JARID2: variants seen among roughly 807,000 people sequenced by gnomAD.
JARID2 encodes protein Jumonji.
JARID2 carries 21 observed loss-of-function variants against 125.6 expected under a neutral mutation model. That is an observed-to-expected ratio of 0.17 (90% confidence interval 0.12 to 0.24). JARID2 has a LOEUF of 0.24. Ranked by LOEUF, JARID2 falls within the 10% of genes least tolerant of loss-of-function variation. The probability of loss-of-function intolerance (pLI) is 1.00; values close to 1 mark genes in which losing one functional copy is unlikely to be tolerated. For missense variants in JARID2, 1,303 were observed against 1,639.6 expected, an observed-to-expected ratio of 0.79 and a Z score of 3.55; for synonymous variants, 736 against 661.6, an observed-to-expected ratio of 1.11 and a Z score of -1.73.
Position 15,520,500 on chromosome 6 carries a change from C to A in JARID2, c.*249C>A. ...CACTGTTTTAAAAACCCCGGAGGGGCTGTATTAATTTGTATTGCCCCATGG... is the reference window on the plus strand; with the variant it reads ...CACTGTTTTAAAAACCCCGGAGGGGATGTATTAATTTGTATTGCCCCATGG... On this transcript the variant is annotated 3_prime_UTR_variant, in exon 18 of 18. Transcript: ENST00000341776. 2.5e-6 allele frequency: 1 copy of A among 398,042 alleles called. No homozygotes were observed. Among genetic ancestry groups the A allele is most frequent in the Non-Finnish European group, 4.5e-6 (1 of 221,894 alleles). 24.7% of individuals were successfully genotyped at this position (398,042 alleles called of 1,614,324 possible).
At chr6:15,380,928 C>CTTCG (rs1273725578) in intron 2 of JARID2, among the ~76,000 whole-genome samples, 1 of 112,162 alleles carries the variant, frequency 8.9e-6, no homozygotes, top group Admixed American at 8.3e-5. Context: ...ATAAAGTGAC[C>CTTCG]TTCCTCTACG....
intron 1 of JARID2, among the ~76,000 whole-genome samples, chr6:15,246,898 C>A (rs1337842112): frequency 6.6e-6 from 1 of 152,184 alleles, no homozygotes; most frequent in Non-Finnish European, 1.5e-5. Context: ...TGTAACTAAA[C>A]TGCATTCTCA....
chr6:15,509,817 G>T (rs1042873400), intron 12 of JARID2, among the ~76,000 whole-genome samples: 7 of 152,226 alleles, frequency 4.6e-5, no homozygotes, highest in African/African-American at 1.7e-4. Flanking sequence ...GTGATACCCT[G>T]TGTGGGCTTT....
chr6:15,445,078 C>T (rs1331178830), intron 3 of JARID2, among the ~76,000 whole-genome samples: 1 of 151,968 alleles, frequency 6.6e-6, no homozygotes, highest in African/African-American at 2.4e-5. Context: ...TCAGGGCTAC[C>T]CTAGAGATTG....
At chr6:15,453,510 T>C (rs1768013485) in intron 4 of JARID2, among the ~76,000 whole-genome samples, 1 of 152,242 alleles carries the variant, frequency 6.6e-6, no homozygotes, top group South Asian at 2.1e-4. Flanking sequence ...GTGTTCATGC[T>C]GATCATTCGA....
chr6:15,256,248 G>A (rs1759661180), intron 1 of JARID2, among the ~76,000 whole-genome samples: 1 of 152,124 alleles, frequency 6.6e-6, no homozygotes, highest in African/African-American at 2.4e-5. Flanking sequence ...TCTTAATAAA[G>A]CAAGCTGATA....
At chr6:15,474,460 CTTTTT>C (rs59060966) in intron 5 of JARID2, among the ~76,000 whole-genome samples, 37 of 143,770 alleles carry the variant, frequency 2.6e-4, no homozygotes, top group Non-Finnish European at 3.2e-4. Flanking sequence ...AGTTGCATGC[CTTTTT>C]TTTTTTTTTT....
intron 12 of JARID2, chr6:15,508,880 A>G: frequency 1.9e-6 from 2 of 1,038,432 alleles, no homozygotes. Context: ...GTGCCACACA[A>G]AGCTAACCAG....
intron 4 of JARID2, among the ~76,000 whole-genome samples, chr6:15,453,753 G>A (rs1000222212): frequency 1.3e-5 from 2 of 152,140 alleles, no homozygotes; most frequent in Non-Finnish European, 2.9e-5. Flanking sequence ...CATCAGGCTG[G>A]CTTTTTATTC....
chr6:15,391,854 T>C (rs568037912), intron 2 of JARID2, among the ~76,000 whole-genome samples: 116 of 152,346 alleles, frequency 7.6e-4, no homozygotes, highest in African/African-American at 2.5e-3. Flanking sequence ...TTTGGGGTGT[T>C]GAAGGCATGC....
At chr6:15,254,527 G>A (rs1044981740) in intron 1 of JARID2, among the ~76,000 whole-genome samples, 1 of 152,084 alleles carries the variant, frequency 6.6e-6, no homozygotes, top group Non-Finnish European at 1.5e-5. Context: ...CATAATCATG[G>A]GACAGATGCG....
chr6:15,413,033 T>TTTTTTTTTTTC (rs1765970012), intron 3 of JARID2, among the ~76,000 whole-genome samples: 1 of 135,700 alleles, frequency 7.4e-6, no homozygotes, highest in Non-Finnish European at 1.6e-5. Flanking sequence ...GTTTTTTTTT[T>TTTTTTTTTTTC]TTTGAGACTG....
chr6:15,488,492 GAT>G (rs1345888678), intron 6 of JARID2, among the ~76,000 whole-genome samples: 4 of 152,224 alleles, frequency 2.6e-5, no homozygotes, highest in Non-Finnish European at 5.9e-5. Context: ...TGGAGGCTAT[GAT>G]CCTTAAAGGT....
chr6:15,375,203 G>T (rs1158915011), intron 2 of JARID2, among the ~76,000 whole-genome samples: 3 of 152,200 alleles, frequency 2.0e-5, no homozygotes, highest in Non-Finnish European at 4.4e-5. Flanking sequence ...ACAGGCACTA[G>T]TGCACAGCAG....
intron 1 of JARID2, among the ~76,000 whole-genome samples, chr6:15,289,301 G>T (rs1741555478): frequency 6.6e-6 from 1 of 152,222 alleles, no homozygotes; most frequent in South Asian, 2.1e-4. Context: ...AACACTGTCA[G>T]CAGTAGTCTG....
intron 1 of JARID2, among the ~76,000 whole-genome samples, chr6:15,348,703 A>G (rs1581441101): frequency 1.3e-5 from 2 of 152,224 alleles, no homozygotes. Flanking sequence ...CGCTGAAACC[A>G]TACAGGTAAA....
chr6:15,400,553 A>G (rs898452182), intron 2 of JARID2, among the ~76,000 whole-genome samples: 3 of 151,976 alleles, frequency 2.0e-5, no homozygotes, highest in African/African-American at 7.3e-5. Context: ...TTAAACTGTG[A>G]ATGTCCCCCT....
chr6:15,319,181 A>G (rs547119457), intron 1 of JARID2, among the ~76,000 whole-genome samples: 3 of 152,334 alleles, frequency 2.0e-5, no homozygotes, highest in East Asian at 1.9e-4. Flanking sequence ...TTGGAATGCT[A>G]TAAGTTATCA....
chr6:15,516,879 C>T (rs1771587732), intron 16 of JARID2, among the ~76,000 whole-genome samples: 1 of 152,212 alleles, frequency 6.6e-6, no homozygotes, highest in Admixed American at 6.5e-5. Flanking sequence ...CAGCAGAAAT[C>T]TGGAGGGGAC....
Sources: allele counts gnomAD v4.1 joint callset (sites outside exome capture counted in the v4.1 genomes callset), GRCh38; gene constraint gnomAD v4.1.1; transcripts MANE v1.5; gene names NCBI Gene and HGNC (gene_info 2026-07-23, HGNC 2026-07-21).